Variants in PIAS1 observed in about 807,000 individuals in gnomAD.
PIAS1 encodes protein inhibitor of activated STAT 1.
PIAS1 carries 6 observed loss-of-function variants against 71.3 expected under a neutral mutation model. The observed-to-expected ratio is 0.08, with a 90% CI of 0.05 to 0.17. The LOEUF is 0.17. Ranked by LOEUF, PIAS1 falls within the 10% of genes least tolerant of loss-of-function variation. The pLI, the probability that PIAS1 is intolerant of heterozygous loss-of-function variation, is 1.00. For synonymous variants in PIAS1, 303 were observed against 292.9 expected (o/e 1.03, Z -0.35); for missense variants, 555 against 793.6 (o/e 0.70, Z 3.61).
At chr15:68,168,154 G>A (rs1288656006) in intron 8 of PIAS1, among the ~76,000 whole-genome samples, 1 of 151,780 alleles carries the variant, frequency 6.6e-6, no homozygotes, top group Non-Finnish European at 1.5e-5. Flanking sequence ...TATTACAGGC[G>A]CCTGTCACCA....
chr15:68,139,749 T>C (rs1369157468), intron 2 of PIAS1, among the ~76,000 whole-genome samples: 1 of 152,222 alleles, frequency 6.6e-6, no homozygotes, highest in East Asian at 1.9e-4. Flanking sequence ...TAAAATCTCA[T>C]CTTTATAAAA....
At chr15:68,160,474 A>G (rs1028867263) in intron 7 of PIAS1, among the ~76,000 whole-genome samples, 2 of 152,152 alleles carry the variant, frequency 1.3e-5, no homozygotes, top group African/African-American at 2.4e-5. Flanking sequence ...CTGTATGTCT[A>G]TCCTTATGCC....
intron 8 of PIAS1, among the ~76,000 whole-genome samples, chr15:68,166,275 A>G (rs2092957347): frequency 1.3e-5 from 2 of 151,950 alleles, no homozygotes; most frequent in Admixed American, 1.3e-4. Context: ...TTAAGTAACC[A>G]GGTAAATGTT....
In PIAS1 at chr15:68,121,834, A is replaced by T. The variant is rs536170129; in HGVS notation, c.470-20112A>T. ...ATAGACCTGGAGGACAGCTCACTAA[A>T]AAACTTCAAGAGGCTGGGCATGGTG... On this transcript the variant is annotated intron_variant, in intron 2 of 13. Coordinates refer to ENST00000249636, the MANE Select transcript of PIAS1 (RefSeq NM_016166.3). 3.9e-5 allele frequency among the ~76,000 whole-genome samples: 6 copies of T among 152,288 alleles called. No homozygotes were observed. The South Asian group carries it at 1.2e-3, about 32-fold the overall frequency.
intron 2 of PIAS1, among the ~76,000 whole-genome samples, chr15:68,102,109 T>G (rs2092432162): frequency 6.6e-6 from 1 of 152,226 alleles, no homozygotes; most frequent in African/African-American, 2.4e-5. Context: ...TTTTACATTT[T>G]ACATTTAAAT....
At chr15:68,147,032 T>C (rs2092812411) in intron 6 of PIAS1, among the ~76,000 whole-genome samples, 2 of 152,194 alleles carry the variant, frequency 1.3e-5, no homozygotes, top group Admixed American at 1.3e-4. Context: ...TTACTTGATT[T>C]ATTGATTGAT....
At chr15:68,150,050 T>G (rs2092834641) in intron 6 of PIAS1, among the ~76,000 whole-genome samples, 1 of 152,182 alleles carries the variant, frequency 6.6e-6, no homozygotes, top group Non-Finnish European at 1.5e-5. Context: ...ATATCAAAAT[T>G]CTTTTTGACA....
rs549491167 is a variant in PIAS1 at position 68,102,002 on chromosome 15, C to T, written c.469+15252C>T. On this transcript the variant is annotated intron_variant, in intron 2 of 13. Transcript: ENST00000249636. Reference sequence around the variant, plus strand: ...CCTCCCACCCCAGCCTACCAAAACACTGAGATTATGGGCGTGAGCCACAGT... The same window carrying T: ...CCTCCCACCCCAGCCTACCAAAACATTGAGATTATGGGCGTGAGCCACAGT... 3.9e-4 allele frequency among the ~76,000 whole-genome samples: 59 copies of T among 152,324 alleles called. 1 individual carries two copies. Among genetic ancestry groups the T allele is most frequent in the African/African-American group, 1.4e-3 (57 of 41,564 alleles).
chr15:68,080,671 A>G (rs535726479), intron 1 of PIAS1, among the ~76,000 whole-genome samples: 2 of 152,358 alleles, frequency 1.3e-5, no homozygotes, highest in East Asian at 3.8e-4. Flanking sequence ...GAAAATAATA[A>G]AATACTTTTG....
intron 1 of PIAS1, among the ~76,000 whole-genome samples, chr15:68,079,036 T>TA (rs1392452775): frequency 1.0e-5 from 1 of 98,666 alleles, no homozygotes; most frequent in Non-Finnish European, 2.2e-5. Context: ...AACCTCTAGT[T>TA]AATCCCTCTT....
chr15:68,150,563 G>T (rs2092837484), intron 6 of PIAS1, among the ~76,000 whole-genome samples: 1 of 152,192 alleles, frequency 6.6e-6, no homozygotes, highest in Non-Finnish European at 1.5e-5. Context: ...TTGCAACTGT[G>T]TCTTTTCAAA....
chr15:68,129,235 TA>T (rs2092672513), intron 2 of PIAS1, among the ~76,000 whole-genome samples: 1 of 152,108 alleles, frequency 6.6e-6, no homozygotes, highest in East Asian at 1.9e-4. Flanking sequence ...GCTGATATTT[TA>T]AAGTTATTTT....
chr15:68,080,575 G>C (rs1373676876), intron 1 of PIAS1, among the ~76,000 whole-genome samples: 2 of 152,216 alleles, frequency 1.3e-5, no homozygotes, highest in African/African-American at 4.8e-5. Context: ...TTGACAGATT[G>C]CTAATAGCTG....
chr15:68,145,949 A>C, intron 5 of PIAS1, 43 bp downstream of exon 5: 1 of 1,082,210 alleles, frequency 9.2e-7, no homozygotes, highest in Non-Finnish European at 1.4e-6. Flanking sequence ...TGCCAACATA[A>C]CTATCAAATA....
intron 2 of PIAS1, among the ~76,000 whole-genome samples, chr15:68,106,077 TAC>T (rs1268242576): frequency 2.0e-5 from 3 of 152,138 alleles, no homozygotes; most frequent in Non-Finnish European, 4.4e-5. Flanking sequence ...TATACCAAGC[TAC>T]AGTTGTAGAT....
At chr15:68,129,988 T>C (rs1644642021) in intron 2 of PIAS1, among the ~76,000 whole-genome samples, 1 of 152,074 alleles carries the variant, frequency 6.6e-6, no homozygotes, top group Non-Finnish European at 1.5e-5. Context: ...ATTTTTGTTT[T>C]TTACAGTGAG....
chr15:68,060,295 C>A (rs780309790), intron 1 of PIAS1, among the ~76,000 whole-genome samples: 22 of 152,004 alleles, frequency 1.4e-4, no homozygotes, highest in Non-Finnish European at 3.1e-4. Context: ...GCCACCACGC[C>A]CAGCTGATGC....
chr15:68,131,989 G>A (rs1489221608), intron 2 of PIAS1, among the ~76,000 whole-genome samples: 1 of 142,318 alleles, frequency 7.0e-6, no homozygotes, highest in Non-Finnish European at 1.5e-5. Flanking sequence ...GATTGTCTGA[G>A]TTCAGGAGTT....
chr15:68,140,419 A>C (rs149798289), intron 2 of PIAS1, among the ~76,000 whole-genome samples: 363 of 152,306 alleles, frequency 2.4e-3, no homozygotes, highest in Middle Eastern at 0.014. Flanking sequence ...GCATTGCCTG[A>C]CAGAGGGAAA....
Sources: gnomAD v4.1 joint callset for allele counts (sites outside exome capture counted in the v4.1 genomes callset) on GRCh38, gnomAD v4.1.1 for gene constraint, MANE v1.5 for transcripts, NCBI Gene and HGNC (gene_info 2026-07-23, HGNC 2026-07-21) for gene names.